RERG: variants seen among roughly 807,000 people sequenced by gnomAD.
RERG encodes ras-related and estrogen-regulated growth inhibitor.
RERG carries 25 observed loss-of-function variants against 23.2 expected under a neutral mutation model. The ratio of observed to expected loss-of-function variants is 1.08; its 90% confidence interval spans 0.79 to 1.50. The LOEUF (loss-of-function observed/expected upper bound fraction) is 1.50, where lower values mean the gene tolerates loss of function less well. Among genes scored for constraint, RERG ranks in the 40% most tolerant of loss-of-function variants. The pLI is 0.00. For missense variants in RERG, 253 were observed against 250.1 expected (o/e 1.01, Z -0.08); for synonymous variants, 81 against 89.1 (o/e 0.91, Z 0.51).
chr12:15,186,234 T>C (rs536063779), intron 2 of RERG, among the ~76,000 whole-genome samples: 4 of 151,634 alleles, frequency 2.6e-5, no homozygotes, highest in Admixed American at 2.0e-4. Context: ...AAAAATACAT[T>C]ATATTTTATA....
At chr12:15,199,183 T>A (rs1865185001) in intron 2 of RERG, among the ~76,000 whole-genome samples, 1 of 152,142 alleles carries the variant, frequency 6.6e-6, no homozygotes. Context: ...ATCCTATATC[T>A]CATCATCTAC....
rs149084561 is a variant in RERG, at chr12:15,184,094, C to T, written c.61+33335G>A. On this transcript the variant is annotated intron_variant, in intron 2 of 4. Transcript: ENST00000256953. ...TCATGAGTCAGAATGTGATGGTGAA[C>T]GCAAATCAGATAAGGGAAGAAATCA... Among the ~76,000 whole-genome samples the T allele has an allele frequency of 7.0e-4, 107 of 152,186 alleles. 1 individual carries two copies. Among genetic ancestry groups the T allele is most frequent in the Non-Finnish European group, 2.8e-4 (19 of 68,002 alleles).
chr12:15,111,728 G>A (rs906984548), intron 3 of RERG, among the ~76,000 whole-genome samples: 2 of 149,868 alleles, frequency 1.3e-5, no homozygotes, highest in African/African-American at 4.9e-5. Flanking sequence ...CTGTTGCACA[G>A]GCTGGAGTGC....
chr12:15,142,970 G>T (rs910257176), intron 2 of RERG, among the ~76,000 whole-genome samples: 1 of 152,170 alleles, frequency 6.6e-6, no homozygotes, highest in Non-Finnish European at 1.5e-5. Context: ...TCGCACCACA[G>T]GGAGGAGTAC....
At chr12:15,214,121 T>C (rs1242212017) in intron 2 of RERG, among the ~76,000 whole-genome samples, 1 of 152,034 alleles carries the variant, frequency 6.6e-6, no homozygotes, top group Non-Finnish European at 1.5e-5. Context: ...ATATCTTTAA[T>C]TGTATGTTTT....
intron 2 of RERG, among the ~76,000 whole-genome samples, chr12:15,213,798 G>A (rs1865401381): frequency 6.6e-6 from 1 of 151,936 alleles, no homozygotes. Context: ...CTATCACCTG[G>A]GCTTAGGAAG....
intron 2 of RERG, among the ~76,000 whole-genome samples, chr12:15,148,951 C>G (rs1246104225): frequency 6.8e-6 from 1 of 146,314 alleles, no homozygotes; most frequent in East Asian, 2.0e-4. Flanking sequence ...TCACTGCAAC[C>G]TCCGCCTCCT....
At chr12:15,210,460 T>C (rs1173776056) in intron 2 of RERG, among the ~76,000 whole-genome samples, 1 of 152,232 alleles carries the variant, frequency 6.6e-6, no homozygotes, top group African/African-American at 2.4e-5. Context: ...TTTCCAGTAT[T>C]GTTTCCCCCC....
chr12:15,213,242 C>G (rs1865393422), intron 2 of RERG, among the ~76,000 whole-genome samples: 2 of 152,186 alleles, frequency 1.3e-5, no homozygotes, highest in African/African-American at 4.8e-5. Flanking sequence ...CCCACACTTA[C>G]TACAAATCTG....
chr12:15,111,420 A>C lies in RERG; in HGVS notation c.119-3T>G, dbSNP rs1483370522. 1.2e-6 allele frequency: 2 copies of C among 1,609,076 alleles called. No homozygotes were observed. The highest frequency in any genetic ancestry group is 2.7e-5 in the African/African-American group (2 of 74,694). On this transcript the variant is annotated splice_region_variant and splice_polypyrimidine_tract_variant and intron_variant, in intron 3 of 4. Transcript: ENST00000256953. ...TGCTTGGTGTCGGTAGGTTGATTCT[A>C]AGGGAATGAGCAAATAAAAAAGACA...
chr12:15,214,825 C>T (rs556242490), intron 2 of RERG, among the ~76,000 whole-genome samples: 61 of 152,118 alleles, frequency 4.0e-4, no homozygotes, highest in African/African-American at 1.4e-3. Context: ...CCAGCCTGAG[C>T]GACAGAGGGA....
intron 2 of RERG, among the ~76,000 whole-genome samples, chr12:15,168,432 G>A (rs1040183910): frequency 6.6e-6 from 1 of 152,198 alleles, no homozygotes; most frequent in East Asian, 1.9e-4. Context: ...TTTGAAATGG[G>A]GCCAATAATC....
chr12:15,200,235 C>T (rs73065452), intron 2 of RERG, among the ~76,000 whole-genome samples: 3,186 of 152,100 alleles, frequency 0.021, 46 homozygotes, highest in Middle Eastern at 0.034. Flanking sequence ...CTTAGTGATG[C>T]TTGGCTTGAG....
chr12:15,186,243 T>C (rs1182652959), intron 2 of RERG, among the ~76,000 whole-genome samples: 1 of 151,656 alleles, frequency 6.6e-6, no homozygotes, highest in Non-Finnish European at 1.5e-5. Flanking sequence ...TTATATTTTA[T>C]ATTATATATA....
intron 2 of RERG, among the ~76,000 whole-genome samples, chr12:15,186,406 C>A (rs913103566): frequency 5.3e-5 from 8 of 151,896 alleles, no homozygotes; most frequent in Admixed American, 2.0e-4. Context: ...TAAAAATGTA[C>A]ATTTAATTCT....
chr12:15,188,688 C>T (rs1865026671), intron 2 of RERG, among the ~76,000 whole-genome samples: 1 of 152,138 alleles, frequency 6.6e-6, no homozygotes, highest in Non-Finnish European at 1.5e-5. Context: ...ATACCAAAAA[C>T]ATATTAAAAT....
Position 15,217,492 on chromosome 12 carries a change from T to G in RERG, c.-3A>C, listed in dbSNP as rs377310963. ...TTGACCTCCGCACTTTTAGCCATGATGGGTGTTGGTAGACAATTTACTGTT... is the reference window on the plus strand; with the variant it reads ...TTGACCTCCGCACTTTTAGCCATGAGGGGTGTTGGTAGACAATTTACTGTT... On this transcript the variant is annotated 5_prime_UTR_variant, in exon 2 of 5. Coordinates refer to ENST00000256953, the MANE Select transcript of RERG (RefSeq NM_032918.3). The G allele has an allele frequency of 2.5e-6, 4 of 1,609,650 alleles. No homozygotes were observed. The African/African-American group carries it at 5.3e-5, about 22-fold the overall frequency.
chr12:15,151,287 A>G (rs1864437755), intron 2 of RERG, among the ~76,000 whole-genome samples: 1 of 152,246 alleles, frequency 6.6e-6, no homozygotes, highest in Non-Finnish European at 1.5e-5. Context: ...ATGTCTTTTA[A>G]ATGGAAAACA....
At chr12:15,161,217 A>AGAAAGAAAGAAG (rs1864609086) in intron 2 of RERG, among the ~76,000 whole-genome samples, 1 of 128,284 alleles carries the variant, frequency 7.8e-6, no homozygotes, top group Non-Finnish European at 1.8e-5. Flanking sequence ...AAAGAAAGAA[A>AGAAAGAAAGAAG]GAAAGAAAGA....
Sources: gnomAD v4.1 joint callset for allele counts (sites outside exome capture counted in the v4.1 genomes callset) on GRCh38, gnomAD v4.1.1 for gene constraint, MANE v1.5 for transcripts, NCBI Gene and HGNC (gene_info 2026-07-23, HGNC 2026-07-21) for gene names.